The following LTBP1 variants were observed in gnomAD, a reference collection of about 807,000 sequenced individuals.
LTBP1 encodes latent transforming growth factor beta binding protein 1.
A neutral mutation model predicts 207.6 loss-of-function variants in LTBP1; 129 were observed. That is an observed-to-expected ratio of 0.62 (90% confidence interval 0.54 to 0.72). LTBP1 has a LOEUF of 0.72. Ranked by LOEUF, LTBP1 falls within the 30% of genes least tolerant of loss-of-function variation. LTBP1 has a pLI of 0.00. For missense variants in LTBP1, 2,281 were observed against 2,217.2 expected, an observed-to-expected ratio of 1.03 and a Z score of -0.58; for synonymous variants, 963 against 833.7, an observed-to-expected ratio of 1.16 and a Z score of -2.67.
intron 3 of LTBP1, among the ~76,000 whole-genome samples, chr2:33,040,252 G>C (rs2076117841): frequency 6.6e-6 from 1 of 152,316 alleles, no homozygotes; most frequent in South Asian, 2.1e-4. Context: ...ATCCAACTGT[G>C]AGTGTAGACC....
intron 22 of LTBP1, among the ~76,000 whole-genome samples, chr2:33,308,191 A>T (rs1029314894): frequency 6.6e-6 from 1 of 152,190 alleles, no homozygotes; most frequent in Admixed American, 6.5e-5. Flanking sequence ...ATGTGCTTTG[A>T]CTAGGGGTAA....
At chr2:33,350,072 T>C (rs2094759842) in intron 26 of LTBP1, among the ~76,000 whole-genome samples, 1 of 152,254 alleles carries the variant, frequency 6.6e-6, no homozygotes, top group Non-Finnish European at 1.5e-5. Flanking sequence ...GAATCTGCTA[T>C]TCCACAGACC....
At chr2:33,111,672 A>G (rs2080412179) in intron 4 of LTBP1, among the ~76,000 whole-genome samples, 1 of 151,942 alleles carries the variant, frequency 6.6e-6, no homozygotes, top group South Asian at 2.1e-4. Flanking sequence ...AAAGTGATTG[A>G]CTCTTCCCTC....
chr2:33,046,457 A>G (rs1393511602), intron 3 of LTBP1, among the ~76,000 whole-genome samples: 2 of 152,146 alleles, frequency 1.3e-5, no homozygotes, highest in African/African-American at 2.4e-5. Context: ...CCTCCCGGGG[A>G]TGAAGCCGAC....
At chr2:33,319,936 C>T (rs1418438079) in intron 24 of LTBP1, among the ~76,000 whole-genome samples, 1 of 152,198 alleles carries the variant, frequency 6.6e-6, no homozygotes, top group East Asian at 1.9e-4. Flanking sequence ...TCATTCATTC[C>T]TTCGTTTGAC....
intron 13 of LTBP1, 147 bp downstream of exon 13, chr2:33,259,757 C>A: frequency 1.6e-6 from 1 of 624,008 alleles, no homozygotes; most frequent in Non-Finnish European, 2.5e-6. Context: ...TCAGTTATTC[C>A]AAAAAAATTT....
At chr2:33,155,460 T>C (rs2083898586) in intron 5 of LTBP1, among the ~76,000 whole-genome samples, 1 of 152,210 alleles carries the variant, frequency 6.6e-6, no homozygotes, top group Non-Finnish European at 1.5e-5. Flanking sequence ...TAAGTTTCTT[T>C]TCATGTGCCT....
At position 33,204,581 on chromosome 2, in the gene LTBP1, T is replaced by C. The variant is rs555315038; in HGVS notation, c.1702-12971T>C. On this transcript the variant is annotated intron_variant, in intron 7 of 33. Coordinates refer to ENST00000404816, the MANE Select transcript of LTBP1 (RefSeq NM_206943.4). ...TTCAAGATAAGCCTCTTTTTTTTTT[T>C]CTTTTTCTTTTTTTAAGAGATAGGG... 2.5e-3 allele frequency among the ~76,000 whole-genome samples: 364 copies of C among 148,018 alleles called. 3 individuals carry two copies. Among genetic ancestry groups the C allele is most frequent in the African/African-American group, 8.8e-3 (352 of 40,086 alleles).
Position 33,121,422 on chromosome 2 carries a change from C to T in LTBP1, c.1033+10671C>T, listed in dbSNP as rs183751587. 1.1e-3 allele frequency among the ~76,000 whole-genome samples: 162 copies of T among 152,170 alleles called. 1 individual carries two copies. The highest frequency in any genetic ancestry group is 1.5e-3 in the Non-Finnish European group (102 of 68,010). On this transcript the variant is annotated intron_variant, in intron 4 of 33. Coordinates refer to ENST00000404816, the MANE Select transcript of LTBP1 (RefSeq NM_206943.4). ...AGCATCCGGAGAGCAGGTGAAAGGG[C>T]GGTGGTCGTTCCTGTGTTGATGGTA...
At chr2:33,118,201 A>AC (rs1482963852) in intron 4 of LTBP1, among the ~76,000 whole-genome samples, 1 of 150,684 alleles carries the variant, frequency 6.6e-6, no homozygotes, top group Non-Finnish European at 1.5e-5. Flanking sequence ...AAAAAAAAAA[A>AC]AACAAAAAAA....
At chr2:33,035,871 G>A (rs570547203) in intron 3 of LTBP1, among the ~76,000 whole-genome samples, 35 of 152,280 alleles carry the variant, frequency 2.3e-4, no homozygotes, top group African/African-American at 7.2e-4. Flanking sequence ...TACCCACTAC[G>A]TAGCTGAAGA....
chr2:33,195,856 G>A (rs1437339953), intron 7 of LTBP1, among the ~76,000 whole-genome samples: 2 of 152,102 alleles, frequency 1.3e-5, no homozygotes, highest in African/African-American at 2.4e-5. Flanking sequence ...CTTATTTTAA[G>A]AAATTGCCAC....
At position 33,134,569 on chromosome 2, in the gene LTBP1, G is replaced by T; in HGVS notation, c.1034-224G>T. ...GTTTTGGAGTGCATCCCAGAGTTCT[G>T]TTTGCTAAGCTTCCTACTCCTGTTT... On this transcript the variant is annotated intron_variant, in intron 4 of 33. Transcript: ENST00000404816. This position sits in a 1 kb window ranked among gnomAD's most constrained non-coding sequence, Gnocchi z 4.4. 1 of 1,534,180 alleles carries T rather than the reference G, an allele frequency of 6.5e-7. No individual in the cohort carries two copies. Among genetic ancestry groups the T allele is most frequent in the East Asian group, 2.5e-5 (1 of 39,982 alleles).
intron 2 of LTBP1, among the ~76,000 whole-genome samples, chr2:32,997,844 A>G (rs971025002): frequency 1.3e-5 from 2 of 152,224 alleles, no homozygotes; most frequent in Non-Finnish European, 2.9e-5. Context: ...AGCCCCACCC[A>G]GAGACCATAT....
chr2:33,355,511 A>G (rs535966432), intron 26 of LTBP1, among the ~76,000 whole-genome samples: 2 of 152,068 alleles, frequency 1.3e-5, no homozygotes, highest in Admixed American at 6.5e-5. Context: ...TTGTTTTTGT[A>G]TGTTTTTTAT....
chr2:33,193,261 C>T (rs2088120422), intron 7 of LTBP1, among the ~76,000 whole-genome samples: 1 of 152,128 alleles, frequency 6.6e-6, no homozygotes, highest in African/African-American at 2.4e-5. Flanking sequence ...CCTGCCTCAG[C>T]CTCCCGAGTG....
At chr2:33,294,807 G>C (rs2093843261) in intron 20 of LTBP1, among the ~76,000 whole-genome samples, 1 of 151,346 alleles carries the variant, frequency 6.6e-6, no homozygotes. Flanking sequence ...TCGAACTCCT[G>C]ACCTTTTGAT....
intron 3 of LTBP1, 26 bp downstream of exon 3, chr2:33,021,232 C>T (rs1173226587): frequency 1.6e-5 from 25 of 1,552,574 alleles, no homozygotes; most frequent in Non-Finnish European, 2.0e-5. Flanking sequence ...TTTCATTTAG[C>T]TAAGGATCAT....
intron 4 of LTBP1, among the ~76,000 whole-genome samples, chr2:33,132,333 A>C (rs543121862): frequency 6.6e-6 from 1 of 152,104 alleles, no homozygotes; most frequent in Admixed American, 6.5e-5. Flanking sequence ...TTTTTTTTGA[A>C]TTTCTAAGGT....
Sources: gnomAD v4.1 joint callset for allele counts (sites outside exome capture counted in the v4.1 genomes callset) on GRCh38, gnomAD v4.1.1 for gene constraint, Gnocchi (gnomAD v3.1) non-coding constraint, MANE v1.5 for transcripts, NCBI Gene and HGNC (gene_info 2026-07-23, HGNC 2026-07-21) for gene names.